TNFAIP1: variants seen among roughly 807,000 people sequenced by gnomAD.
TNFAIP1 encodes TNF alpha induced protein 1.
In TNFAIP1, 20 loss-of-function variants were observed where a neutral mutation model predicts 32.6. That is an observed-to-expected ratio of 0.61 (90% CI 0.43 to 0.89). The LOEUF (loss-of-function observed/expected upper bound fraction) is 0.89. TNFAIP1 is among the 40% of genes least tolerant of loss of function. The probability of loss-of-function intolerance (pLI) is 0.00; values close to 1 mark genes in which losing one functional copy is unlikely to be tolerated. For missense variants in TNFAIP1, 319 were observed against 425.1 expected, an observed-to-expected ratio of 0.75 and a Z score of 2.20; for synonymous variants, 166 against 166.8, an observed-to-expected ratio of 1.00 and a Z score of 0.04.
chr17:28,336,509 C>G (rs1297616049), intron 1 of TNFAIP1: 1 of 152,274 alleles, frequency 6.6e-6, no homozygotes, highest in Non-Finnish European at 1.5e-5. Context: ...ATCCGCCGAC[C>G]TCTCTTGGCA....
rs571593439 is a variant in TNFAIP1, at chr17:28,344,888, G to C, written c.*288G>C. 1.7e-4 allele frequency: 83 copies of C among 478,818 alleles called. No individual in the cohort carries two copies. The highest frequency in any genetic ancestry group is 2.6e-4 in the Non-Finnish European group (69 of 262,982). 29.7% of individuals were successfully genotyped at this position (478,818 alleles called of 1,614,324 possible). A position where few individuals can be genotyped will look rare whatever the true frequency, so the allele number is the denominator to read the frequency against. Reference sequence around the variant, plus strand: ...GGGCATATGGACTGACCCACCTCCTGCTGAGAACCTTCCCCTAGGCCCTGT... The same window carrying C: ...GGGCATATGGACTGACCCACCTCCTCCTGAGAACCTTCCCCTAGGCCCTGT... On this transcript the variant is annotated 3_prime_UTR_variant, in exon 7 of 7. Coordinates refer to ENST00000226225, the MANE Select transcript of TNFAIP1 (RefSeq NM_021137.5).
In TNFAIP1 at chr17:28,340,500, G is replaced by T; in HGVS notation, c.375+22G>T. ...GCAGGTACATGGGTGGGGCGGAGCA[G>T]GGCGGGCAGATGAGGTCAGGAGTTG... On this transcript the variant is annotated intron_variant, in intron 3 of 6. Coordinates refer to ENST00000226225, the MANE Select transcript of TNFAIP1 (RefSeq NM_021137.5). This position sits in a 1 kb window ranked among gnomAD's most constrained non-coding sequence, Gnocchi z 4.1. 6.2e-7 allele frequency: 1 copy of T among 1,612,356 alleles called. No homozygotes were observed. The highest frequency in any genetic ancestry group is 8.5e-7 in the Non-Finnish European group (1 of 1,178,954).
rs781848026 is a variant in TNFAIP1 at position 28,344,393 on chromosome 17, G to A, written c.744G>A (p.Glu248=). 6.2e-7 allele frequency: 1 copy of A among 1,613,846 alleles called. No individual in the cohort carries two copies. Among genetic ancestry groups the A allele is most frequent in the East Asian group, 2.2e-5 (1 of 44,872 alleles). The change falls in exon 7 of 7, where the codon GAG becomes GAA. Residue 248 remains glutamate, a synonymous_variant. Transcript: ENST00000226225. The stretch of plus-strand genomic sequence containing the variant: ...AATTCCCAGAGGCCCGAATCTATGA[G>A]GAGACACTCAACGTCCTACTCTATG... ...KVEFPEARIY[E]ETLNVLLYET...
Position 28,344,513 on chromosome 17 carries a change from GC to G in TNFAIP1, c.865del (p.Arg289GlyfsTer63). On this transcript the variant is annotated frameshift_variant, in exon 7 of 7. Transcript: ENST00000226225. LOFTEE classifies it high-confidence loss of function. ...GTGAAGATGAGGAGACCTTTGAACT[GC>G]GGGACCGTGTCCGCCGCATCCACGT... ...PSEDEETFEL[R>X]DRVRRIHVKR... The G allele has an allele frequency of 6.2e-7, 1 of 1,613,948 alleles. No individual in the cohort carries two copies. Among genetic ancestry groups the G allele is most frequent in the Non-Finnish European group, 8.5e-7 (1 of 1,180,030 alleles).
In TNFAIP1 at chr17:28,339,771, G is replaced by A. The variant is rs782124484; in HGVS notation, c.205+45G>A. ...GCTCGGGGTGGGGAGGGCAGGAGGA[G>A]TTCCCAAGGAAATGACCAGATCTAG... On this transcript the variant is annotated intron_variant, in intron 2 of 6. Coordinates refer to ENST00000226225, the MANE Select transcript of TNFAIP1 (RefSeq NM_021137.5). 22 of 1,588,954 alleles carry A rather than the reference G, an allele frequency of 1.4e-5. 1 individual carries two copies. The South Asian group carries it at 1.8e-4, about 13-fold the overall frequency.
At chr17:28,343,875 C>CAGCA (rs1485132530) in intron 6 of TNFAIP1, among the ~76,000 whole-genome samples, 1 of 152,170 alleles carries the variant, frequency 6.6e-6, no homozygotes, top group East Asian at 1.9e-4. Context: ...CAGAGAAAGG[C>CAGCA]AGCATAACCA....
rs782777005 is a variant in TNFAIP1 at position 28,340,705 on chromosome 17, G to A, written c.375+227G>A. On this transcript the variant is annotated intron_variant, in intron 3 of 6. Coordinates refer to ENST00000226225, the MANE Select transcript of TNFAIP1 (RefSeq NM_021137.5). This position sits in a 1 kb window ranked among gnomAD's most constrained non-coding sequence, Gnocchi z 4.1. ...TTCTGGTTTCTATGCTTTGCTACCC[G>A]GATTTTAGGGGGTTTTTCTGTTTTT... 3.3e-5 allele frequency among the ~76,000 whole-genome samples: 5 copies of A among 152,148 alleles called. No homozygotes were observed. The highest frequency in any genetic ancestry group is 3.4e-3 in the Middle Eastern group (1 of 294).
chr17:28,342,096 T>C lies in TNFAIP1; in HGVS notation c.519-151T>C, dbSNP rs1372042561. ...GCCCCCCAACCCAGAGGGTACCCTA[T>C]GATCCTTTCTCTCCTGGCCCCCTGG... is the stretch of plus-strand genomic sequence containing the variant. On this transcript the variant is annotated intron_variant, in intron 5 of 6. Transcript: ENST00000226225. The surrounding 1 kb of genome is among the most constrained non-coding windows in gnomAD (Gnocchi z 4.0). The C allele has an allele frequency of 4.3e-6, 3 of 701,442 alleles. No individual in the cohort carries two copies. The highest frequency in any genetic ancestry group is 5.8e-5 in the Admixed American group (2 of 34,368). The allele number at this position is 701,442 out of a possible 1,614,324, so 43.5% of individuals were successfully genotyped here.
Position 28,344,347 on chromosome 17 carries a change from T to C in TNFAIP1, c.715-17T>C. On this transcript the variant is annotated splice_polypyrimidine_tract_variant and intron_variant, in intron 6 of 6. Coordinates refer to ENST00000226225, the MANE Select transcript of TNFAIP1 (RefSeq NM_021137.5). ...GAAGATGAAACCTTGCTCCACCTTC[T>C]TCCTCCCTAACCCCAGGTGGAATTC... 6.2e-7 allele frequency: 1 copy of C among 1,606,226 alleles called. No individual in the cohort carries two copies. Among genetic ancestry groups the C allele is most frequent in the Non-Finnish European group, 8.5e-7 (1 of 1,173,766 alleles).
chr17:28,342,240 T>C lies in TNFAIP1; in HGVS notation c.519-7T>C. On this transcript the variant is annotated splice_polypyrimidine_tract_variant and splice_region_variant and intron_variant, in intron 5 of 6. Transcript: ENST00000226225. This position sits in a 1 kb window ranked among gnomAD's most constrained non-coding sequence, Gnocchi z 4.0. ...TCCCAGCCGCTTGGCCCTCATGTTT[T>C]TTTCAGCAACTCTGACGACCACCTG... The C allele has an allele frequency of 1.3e-6, 2 of 1,575,000 alleles. No individual in the cohort carries two copies. The highest frequency in any genetic ancestry group is 2.2e-5 in the South Asian group (2 of 89,052).
chr17:28,344,496 G>A lies in TNFAIP1; in HGVS notation c.847G>A (p.Glu283Lys), dbSNP rs1187590746. ...CAGCCAGGCTTCCCCCAGTGAAGATGAGGAGACCTTTGAACTGCGGGACCG... is the reference window on the plus strand; with the variant it reads ...CAGCCAGGCTTCCCCCAGTGAAGATAAGGAGACCTTTGAACTGCGGGACCG... ...SRSQASPSED[E>K]ETFELRDRVR... The change falls in exon 7 of 7, where the codon GAG (glutamate) becomes AAG (lysine). Residue 283 changes from glutamate (E) to lysine (K), a missense_variant. Transcript: ENST00000226225. 1.2e-6 allele frequency: 2 copies of A among 1,614,010 alleles called. No homozygotes were observed. The highest frequency in any genetic ancestry group is 1.7e-5 in the Admixed American group (1 of 60,024).
chr17:28,339,596 G>T lies in TNFAIP1; in HGVS notation c.75G>T (p.Leu25Phe). ...PKLSGFKGGG[L>F]GNKYVQLNVG... ...TCAGTGGCTTCAAGGGAGGAGGGTT[G>T]GGCAACAAGTATGTCCAGCTCAACG... Residue 25 changes from leucine (L) to phenylalanine (F), a missense_variant, in exon 2 of 7, where the codon TTG becomes TTT. Physicochemically the swap from Leu to Phe is conservative, Grantham distance 22 (BLOSUM62 0). Coordinates refer to ENST00000226225, the MANE Select transcript of TNFAIP1 (RefSeq NM_021137.5). The T allele has an allele frequency of 6.2e-7, 1 of 1,613,940 alleles. No individual in the cohort carries two copies.
intron 5 of TNFAIP1, among the ~76,000 whole-genome samples, chr17:28,341,958 T>G (rs1346814365): frequency 2.0e-5 from 3 of 152,188 alleles, no homozygotes; most frequent in Non-Finnish European, 4.4e-5. Context: ...AAGGAATGCC[T>G]CCCACTGACA....
At chr17:28,337,430 G>A (rs1322616614) in intron 1 of TNFAIP1, among the ~76,000 whole-genome samples, 1 of 152,128 alleles carries the variant, frequency 6.6e-6, no homozygotes, top group Non-Finnish European at 1.5e-5. Flanking sequence ...GTTGAGATGA[G>A]ATTTCCCTAT....
At position 28,340,725 on chromosome 17, in the gene TNFAIP1, G is replaced by A. The variant is rs1555578038; in HGVS notation, c.375+247G>A. The stretch of plus-strand genomic sequence containing the variant: ...TACCCGGATTTTAGGGGGTTTTTCT[G>A]TTTTTGCTTTTGTTTCTGTTTTTGT... On this transcript the variant is annotated intron_variant, in intron 3 of 6. Coordinates refer to ENST00000226225, the MANE Select transcript of TNFAIP1 (RefSeq NM_021137.5). The surrounding 1 kb of genome is among the most constrained non-coding windows in gnomAD (Gnocchi z 4.1). Among the ~76,000 whole-genome samples, 2 of 152,030 alleles carry A rather than the reference G, an allele frequency of 1.3e-5. No homozygotes were observed. The highest frequency in any genetic ancestry group is 2.9e-5 in the Non-Finnish European group (2 of 67,994).
At chr17:28,337,112 T>C (rs1555577536) in intron 1 of TNFAIP1, among the ~76,000 whole-genome samples, 1 of 152,220 alleles carries the variant, frequency 6.6e-6, no homozygotes, top group East Asian at 1.9e-4. Flanking sequence ...CCATCATCTC[T>C]TCTTGCCTAG....
At position 28,340,209 on chromosome 17, in the gene TNFAIP1, C is replaced by A; in HGVS notation, c.206-100C>A. 3.9e-6 allele frequency: 5 copies of A among 1,282,794 alleles called. No individual in the cohort carries two copies. Among genetic ancestry groups the A allele is most frequent in the Non-Finnish European group, 5.5e-6 (5 of 902,402 alleles). The allele number at this position is 1,282,794 out of a possible 1,614,324, so 79.5% of individuals were successfully genotyped here. On this transcript the variant is annotated intron_variant, in intron 2 of 6. Transcript: ENST00000226225. This position sits in a 1 kb window ranked among gnomAD's most constrained non-coding sequence, Gnocchi z 4.1. ...GCGTAAGGGCTTTGTGCTCGTGGAC[C>A]CCCTTCCCTGCCACCTGCCGCCAGC...
At chr17:28,336,612 G>A (rs1170623484) in intron 1 of TNFAIP1, 1 of 152,222 alleles carries the variant, frequency 6.6e-6, no homozygotes, top group Non-Finnish European at 1.5e-5. Flanking sequence ...AAATACACAG[G>A]GAACTTGCTA....
intron 1 of TNFAIP1, among the ~76,000 whole-genome samples, chr17:28,337,469 A>G (rs1555577585): frequency 1.3e-5 from 2 of 152,138 alleles, no homozygotes; most frequent in Non-Finnish European, 2.9e-5. Flanking sequence ...CCCAGGCTCA[A>G]GCAGTCATCC....
Sources: allele counts gnomAD v4.1 joint callset (sites outside exome capture counted in the v4.1 genomes callset), GRCh38; gene constraint gnomAD v4.1.1; non-coding constraint Gnocchi (gnomAD v3.1); transcripts MANE v1.5; gene names NCBI Gene and HGNC (gene_info 2026-07-23, HGNC 2026-07-21).